Variants in SMYD3 observed in about 807,000 individuals in gnomAD.
The protein encoded by SMYD3 is SET and MYND domain containing 3, also known as histone-lysine N-methyltransferase SMYD3.
A neutral mutation model predicts 57.7 loss-of-function variants in SMYD3; 36 were observed. That is an observed-to-expected ratio of 0.62 (90% CI 0.48 to 0.82). SMYD3 has a LOEUF of 0.82. SMYD3 is among the 40% of genes least tolerant of loss of function. SMYD3 has a pLI of 0.00. For missense variants in SMYD3, 515 were observed against 538.8 expected, an observed-to-expected ratio of 0.96 and a Z score of 0.44; for synonymous variants, 211 against 195.0, an observed-to-expected ratio of 1.08 and a Z score of -0.68.
intron 5 of SMYD3, among the ~76,000 whole-genome samples, chr1:245,977,546 G>C (rs144818758): frequency 6.6e-6 from 1 of 152,146 alleles, no homozygotes; most frequent in Non-Finnish European, 1.5e-5. Context: ...AGGTGTGGTG[G>C]TGCATGCCTG....
intron 5 of SMYD3, among the ~76,000 whole-genome samples, chr1:246,185,220 C>T (rs1025169604): frequency 6.6e-6 from 1 of 152,114 alleles, no homozygotes; most frequent in Non-Finnish European, 1.5e-5. Context: ...TGAAAACTGT[C>T]AATAGCAATT....
intron 5 of SMYD3, among the ~76,000 whole-genome samples, chr1:246,190,001 A>G (rs935431699): frequency 3.3e-5 from 5 of 152,160 alleles, no homozygotes; most frequent in African/African-American, 1.2e-4. Context: ...GTTTTTGTGG[A>G]GTCTAATTTA....
intron 1 of SMYD3, among the ~76,000 whole-genome samples, chr1:246,402,572 AAT>A (rs1340284047): frequency 6.6e-6 from 1 of 152,130 alleles, no homozygotes; most frequent in Non-Finnish European, 1.5e-5. Flanking sequence ...CTTATGAATC[AAT>A]GCTCCCTTCA....
chr1:246,436,965 T>A (rs2067387927), intron 1 of SMYD3, among the ~76,000 whole-genome samples: 1 of 143,964 alleles, frequency 6.9e-6, no homozygotes, highest in South Asian at 2.4e-4. Context: ...AGTGACACAA[T>A]CTCGGCTCAC....
At position 246,437,484 on chromosome 1, in the gene SMYD3, C is replaced by T. The variant is rs116143056; in HGVS notation, c.164+69570G>A. Among the ~76,000 whole-genome samples, 903 of 152,246 alleles carry T rather than the reference C, an allele frequency of 5.9e-3. 11 individuals carry two copies. The highest frequency in any genetic ancestry group is 0.021 in the African/African-American group (860 of 41,528). ...GTCTCTTCTTAGACGTCAAGCTAGC[C>T]GATTGCCCTATAACCTCAGCAATCT... On this transcript the variant is annotated intron_variant, in intron 1 of 11. Transcript: ENST00000490107.
At chr1:246,037,995 C>T (rs547207038) in intron 5 of SMYD3, among the ~76,000 whole-genome samples, 4 of 152,282 alleles carry the variant, frequency 2.6e-5, no homozygotes, top group Admixed American at 1.3e-4. Context: ...GTGAAAGCAG[C>T]CACAAACAAT....
intron 5 of SMYD3, among the ~76,000 whole-genome samples, chr1:246,006,769 C>T (rs186196945): frequency 3.4e-4 from 51 of 152,096 alleles, no homozygotes; most frequent in African/African-American, 1.2e-3. Flanking sequence ...GAGCCCTCCA[C>T]GCAGACCCCA....
chr1:246,425,559 A>C (rs1396005102), intron 1 of SMYD3, among the ~76,000 whole-genome samples: 1 of 152,218 alleles, frequency 6.6e-6, no homozygotes, highest in African/African-American at 2.4e-5. Context: ...AGAGCTGGAC[A>C]AGAGTGAATG....
intron 1 of SMYD3, among the ~76,000 whole-genome samples, chr1:246,415,887 G>A (rs913370755): frequency 6.6e-6 from 1 of 152,180 alleles, no homozygotes; most frequent in Non-Finnish European, 1.5e-5. Flanking sequence ...TGGTTGCACT[G>A]TTTAATTCTG....
At chr1:246,184,566 G>A (rs949423611) in intron 5 of SMYD3, among the ~76,000 whole-genome samples, 2 of 152,088 alleles carry the variant, frequency 1.3e-5, no homozygotes, top group South Asian at 2.1e-4. Context: ...AAATTCTTAC[G>A]TTGCAGCCCT....
At chr1:246,030,762 C>T (rs1245883707) in intron 5 of SMYD3, among the ~76,000 whole-genome samples, 2 of 152,208 alleles carry the variant, frequency 1.3e-5, no homozygotes, top group Admixed American at 6.5e-5. Flanking sequence ...AACCCGCACA[C>T]AAATTACGTT....
At chr1:245,856,830 C>T (rs2051266250) in intron 10 of SMYD3, among the ~76,000 whole-genome samples, 2 of 152,146 alleles carry the variant, frequency 1.3e-5, no homozygotes, top group African/African-American at 2.4e-5. Flanking sequence ...TGTTGGGGGC[C>T]TGGAGAAAGA....
At chr1:245,808,235 A>T (rs1190010419) in intron 10 of SMYD3, among the ~76,000 whole-genome samples, 1 of 152,168 alleles carries the variant, frequency 6.6e-6, no homozygotes, top group African/African-American at 2.4e-5. Context: ...ATCAGATCTA[A>T]AGATGGCATA....
chr1:246,054,642 A>C (rs1283231766), intron 5 of SMYD3, among the ~76,000 whole-genome samples: 1 of 152,108 alleles, frequency 6.6e-6, no homozygotes, highest in Admixed American at 6.5e-5. Context: ...GTACATACTG[A>C]TTTCACTTTA....
intron 1 of SMYD3, among the ~76,000 whole-genome samples, chr1:246,498,984 G>T (rs986712298): frequency 6.6e-6 from 1 of 150,886 alleles, no homozygotes; most frequent in African/African-American, 2.4e-5. Context: ...TTAACAAGAT[G>T]AAGTTTCCCT....
In SMYD3 at chr1:246,255,752, C is replaced by T. The variant is rs537363468; in HGVS notation, c.531+71449G>A. 6.9e-5 allele frequency among the ~76,000 whole-genome samples: 10 copies of T among 144,302 alleles called. No homozygotes were observed. The East Asian group carries it at 1.7e-3, about 24-fold the overall frequency. The allele number at this position is 144,302 out of a possible 152,430, so 94.7% of individuals were successfully genotyped here. A position where few individuals can be genotyped will look rare whatever the true frequency, so the allele number is the denominator to read the frequency against. On this transcript the variant is annotated intron_variant, in intron 5 of 11. Coordinates refer to ENST00000490107, the MANE Select transcript of SMYD3 (RefSeq NM_001167740.2). The stretch of plus-strand genomic sequence containing the variant: ...CAATACATCTGGCAGAATCTGGCAG[C>T]GAATCCATTTGTCTGGGGCATTTTT...
chr1:245,833,530 C>A (rs1040324313), intron 10 of SMYD3, among the ~76,000 whole-genome samples: 4 of 152,136 alleles, frequency 2.6e-5, no homozygotes, highest in Non-Finnish European at 5.9e-5. Flanking sequence ...AGTAAAGTAC[C>A]CTTCTCATTA....
chr1:246,019,870 C>A (rs2059440619), intron 5 of SMYD3, among the ~76,000 whole-genome samples: 1 of 151,954 alleles, frequency 6.6e-6, no homozygotes, highest in Non-Finnish European at 1.5e-5. Context: ...GGAACTCAGG[C>A]CTTTGAAAGA....
Position 246,138,433 on chromosome 1 carries a change from A to AC in SMYD3, c.531+188767_531+188768insG, listed in dbSNP as rs1553298635. On this transcript the variant is annotated intron_variant, in intron 5 of 11. Coordinates refer to ENST00000490107, the MANE Select transcript of SMYD3 (RefSeq NM_001167740.2). ...ATTTTAAAAATTTATTTATTTATTT[A>AC]TTTTTTTTCTGAGACGGAGTCTCGC... Among the ~76,000 whole-genome samples, 7 of 150,876 alleles carry AC rather than the reference A, an allele frequency of 4.6e-5. No homozygotes were observed. In the East Asian group the frequency reaches 1.4e-3, roughly 29 times the overall value.
Sources: allele counts gnomAD v4.1 joint callset (sites outside exome capture counted in the v4.1 genomes callset), GRCh38; gene constraint gnomAD v4.1.1; transcripts MANE v1.5; gene names NCBI Gene and HGNC (gene_info 2026-07-23, HGNC 2026-07-21).